Variants in KCNIP4 observed in about 807,000 individuals in gnomAD.
The protein encoded by KCNIP4 is potassium voltage-gated channel interacting protein 4.
A neutral mutation model predicts 34.0 loss-of-function variants in KCNIP4; 12 were observed. That is an observed-to-expected ratio of 0.35 (90% CI 0.23 to 0.57). KCNIP4 has a LOEUF of 0.57. Ranked by LOEUF, KCNIP4 falls within the 20% of genes least tolerant of loss-of-function variation. KCNIP4 has a pLI of 0.83. For synonymous variants in KCNIP4, 124 were observed against 102.2 expected, an observed-to-expected ratio of 1.21 and a Z score of -1.29; for missense variants, 238 against 311.7, an observed-to-expected ratio of 0.76 and a Z score of 1.78.
chr4:21,301,306 A>G (rs769615699), intron 1 of KCNIP4, among the ~76,000 whole-genome samples: 3 of 152,216 alleles, frequency 2.0e-5, no homozygotes, highest in African/African-American at 7.2e-5. Context: ...CATATTTTAT[A>G]TGTCCTTCAG....
chr4:21,066,036 C>T (rs887596493), intron 1 of KCNIP4, among the ~76,000 whole-genome samples: 7 of 151,836 alleles, frequency 4.6e-5, no homozygotes, highest in Non-Finnish European at 7.4e-5. Context: ...TTAATAGCCC[C>T]TTCGAGTTTT....
intron 1 of KCNIP4, among the ~76,000 whole-genome samples, chr4:21,298,876 T>C (rs1763996168): frequency 6.6e-6 from 1 of 152,172 alleles, no homozygotes; most frequent in South Asian, 2.1e-4. Context: ...AATGGATGCC[T>C]AATTTAACAC....
chr4:21,049,162 G>C (rs1279309170), intron 1 of KCNIP4, among the ~76,000 whole-genome samples: 1 of 151,344 alleles, frequency 6.6e-6, no homozygotes, highest in Admixed American at 6.6e-5. Flanking sequence ...GTGTTAGCCA[G>C]GATGGTCTCG....
At chr4:20,823,640 T>A (rs1317240721) in intron 3 of KCNIP4, among the ~76,000 whole-genome samples, 1 of 152,164 alleles carries the variant, frequency 6.6e-6, no homozygotes, top group Non-Finnish European at 1.5e-5. Context: ...AGGAAGCAGG[T>A]TCTTACCAGA....
At chr4:21,723,386 C>T (rs888526373) in intron 1 of KCNIP4, among the ~76,000 whole-genome samples, 2 of 152,112 alleles carry the variant, frequency 1.3e-5, no homozygotes, top group Non-Finnish European at 2.9e-5. Context: ...GCAGCAACCT[C>T]ACTTCTGATG....
chr4:20,816,672 G>A (rs1440383166), intron 3 of KCNIP4, among the ~76,000 whole-genome samples: 3 of 152,190 alleles, frequency 2.0e-5, no homozygotes, highest in Non-Finnish European at 2.9e-5. Flanking sequence ...GACTTTTTAA[G>A]GTAGGAAAGA....
At chr4:21,537,064 A>G (rs1178013366) in intron 1 of KCNIP4, among the ~76,000 whole-genome samples, 1 of 152,176 alleles carries the variant, frequency 6.6e-6, no homozygotes, top group Non-Finnish European at 1.5e-5. Flanking sequence ...GGAAATTTCT[A>G]TAAAGCCACA....
intron 3 of KCNIP4, among the ~76,000 whole-genome samples, chr4:20,829,157 G>C (rs1359587232): frequency 2.0e-5 from 3 of 152,206 alleles, no homozygotes; most frequent in Admixed American, 1.3e-4. Flanking sequence ...AGTTTAAGAC[G>C]AAGGTCCAGT....
In KCNIP4 at chr4:21,108,559, C is replaced by T. The variant is rs534090915; in HGVS notation, c.62-225850G>A. Among the ~76,000 whole-genome samples, 33 of 151,680 alleles carry T rather than the reference C, an allele frequency of 2.2e-4. 1 individual carries two copies. In the South Asian group the frequency reaches 4.6e-3, roughly 21 times the overall value. ...TTGGTTTGAATTTCCTCCTGTAGCT[C>T]GGAGTAGTTTGATCATCTGAAGCCA... On this transcript the variant is annotated intron_variant, in intron 1 of 8. Transcript: ENST00000382152.
intron 1 of KCNIP4, among the ~76,000 whole-genome samples, chr4:21,240,898 A>T (rs1188877655): frequency 1.3e-5 from 2 of 152,212 alleles, no homozygotes; most frequent in Admixed American, 1.3e-4. Context: ...GTCTACTGTA[A>T]AAAATTAATG....
At chr4:21,564,204 T>C (rs1739667652) in intron 1 of KCNIP4, among the ~76,000 whole-genome samples, 1 of 152,168 alleles carries the variant, frequency 6.6e-6, no homozygotes, top group South Asian at 2.1e-4. Flanking sequence ...AAAACATTTT[T>C]CCATTGATGT....
At chr4:21,118,140 G>A (rs1053242522) in intron 1 of KCNIP4, among the ~76,000 whole-genome samples, 1 of 152,052 alleles carries the variant, frequency 6.6e-6, no homozygotes, top group Non-Finnish European at 1.5e-5. Context: ...TGAGGTTTGT[G>A]AACCACCACC....
chr4:21,028,696 A>G (rs941975560), intron 1 of KCNIP4, among the ~76,000 whole-genome samples: 3 of 152,230 alleles, frequency 2.0e-5, no homozygotes, highest in Non-Finnish European at 2.9e-5. Flanking sequence ...AGGAAAATCC[A>G]TACAACATAG....
intron 1 of KCNIP4, among the ~76,000 whole-genome samples, chr4:21,372,517 T>C (rs1481515666): frequency 6.8e-6 from 1 of 147,070 alleles, no homozygotes; most frequent in Non-Finnish European, 1.5e-5. Flanking sequence ...TTCTGTTTCA[T>C]GCGTTAAAGA....
At chr4:20,840,702 G>T (rs1471857030) in intron 3 of KCNIP4, among the ~76,000 whole-genome samples, 1 of 152,148 alleles carries the variant, frequency 6.6e-6, no homozygotes, top group Non-Finnish European at 1.5e-5. Flanking sequence ...AGTCACATAG[G>T]ATTAGGAAAT....
chr4:21,555,955 A>G (rs1210215449), intron 1 of KCNIP4, among the ~76,000 whole-genome samples: 1 of 152,114 alleles, frequency 6.6e-6, no homozygotes, highest in East Asian at 1.9e-4. Flanking sequence ...GTGCGCTGTG[A>G]AAAATGCACA....
At position 21,684,032 on chromosome 4, in the gene KCNIP4, T is replaced by C. The variant is rs144895425; in HGVS notation, c.61+264539A>G. On this transcript the variant is annotated intron_variant, in intron 1 of 8. Transcript: ENST00000382152. The stretch of plus-strand genomic sequence containing the variant: ...GAAAAAATAACTATTGGGTACTAGG[T>C]TTACTATCTGGCTGCTGAAATTCCA... 5.8e-3 allele frequency among the ~76,000 whole-genome samples: 884 copies of C among 151,602 alleles called. 8 individuals carry two copies. Among genetic ancestry groups the C allele is most frequent in the South Asian group, 0.022 (104 of 4,798 alleles).
At chr4:21,917,730 G>C (rs1240715304) in intron 1 of KCNIP4, among the ~76,000 whole-genome samples, 4 of 152,180 alleles carry the variant, frequency 2.6e-5, no homozygotes, top group African/African-American at 9.7e-5. Flanking sequence ...GAATAAGGCA[G>C]CTTCAGTTAC....
chr4:21,271,342 C>T (rs1312495092), intron 1 of KCNIP4, among the ~76,000 whole-genome samples: 1 of 152,174 alleles, frequency 6.6e-6, no homozygotes, highest in Non-Finnish European at 1.5e-5. Flanking sequence ...ATTTGCTTTT[C>T]ATTTCTAGTA....
Sources: allele counts gnomAD v4.1 joint callset (sites outside exome capture counted in the v4.1 genomes callset), GRCh38; gene constraint gnomAD v4.1.1; transcripts MANE v1.5; gene names NCBI Gene and HGNC (gene_info 2026-07-23, HGNC 2026-07-21).